The following AUTS2 variants were observed in gnomAD, a reference collection of about 807,000 sequenced individuals.
AUTS2 encodes autism susceptibility gene 2 protein.
In AUTS2, 17 loss-of-function variants were observed where a neutral mutation model predicts 112.4. The observed-to-expected ratio is 0.15, with a 90% CI of 0.10 to 0.23. AUTS2 has a LOEUF of 0.23. Ranked by LOEUF, AUTS2 falls within the 10% of genes least tolerant of loss-of-function variation. The pLI, the probability that AUTS2 is intolerant of heterozygous loss-of-function variation, is 1.00. For missense variants in AUTS2, 1,510 were observed against 1,701.6 expected (o/e 0.89, Z 1.98); for synonymous variants, 751 against 702.7 (o/e 1.07, Z -1.09).
intron 4 of AUTS2, among the ~76,000 whole-genome samples, chr7:70,301,795 G>A (rs1411148086): frequency 1.3e-5 from 2 of 152,048 alleles, no homozygotes; most frequent in African/African-American, 4.8e-5. Context: ...ACAAGTTCTC[G>A]CCCTGTCACC....
chr7:70,011,968 G>A (rs777582080), intron 2 of AUTS2, among the ~76,000 whole-genome samples: 9 of 152,086 alleles, frequency 5.9e-5, no homozygotes, highest in Non-Finnish European at 1.2e-4. Context: ...GAACCATTGA[G>A]TTTTTTCACT....
intron 1 of AUTS2, among the ~76,000 whole-genome samples, chr7:69,670,531 A>G (rs1796269937): frequency 7.7e-6 from 1 of 129,152 alleles, no homozygotes; most frequent in Non-Finnish European, 1.6e-5. Context: ...CATTAGTAAC[A>G]TGGTTGTTTT....
intron 4 of AUTS2, among the ~76,000 whole-genome samples, chr7:70,255,458 T>C (rs1786819222): frequency 6.6e-6 from 1 of 152,194 alleles, no homozygotes. Flanking sequence ...ATAAGTTATC[T>C]TTCTGTTTTC....
intron 2 of AUTS2, among the ~76,000 whole-genome samples, chr7:70,100,981 G>A (rs1315104900): frequency 1.1e-4 from 16 of 152,008 alleles, no homozygotes; most frequent in Admixed American, 1.0e-3. Flanking sequence ...GGGTTCAAGC[G>A]ATTCTCCTGC....
chr7:70,416,532 C>T (rs66467375), intron 4 of AUTS2, among the ~76,000 whole-genome samples: 14,809 of 152,302 alleles, frequency 0.097, 841 homozygotes, highest in Middle Eastern at 0.18. Flanking sequence ...CAGGCATTGC[C>T]TGCTTGAAAA....
At chr7:70,250,421 G>A (rs1786532379) in intron 4 of AUTS2, among the ~76,000 whole-genome samples, 1 of 152,148 alleles carries the variant, frequency 6.6e-6, no homozygotes, top group Non-Finnish European at 1.5e-5. Context: ...CCCAGAATCT[G>A]CAAGGTCTGC....
chr7:70,287,862 G>C (rs991399333), intron 4 of AUTS2, among the ~76,000 whole-genome samples: 1 of 151,752 alleles, frequency 6.6e-6, no homozygotes. Flanking sequence ...GTTATGAAAT[G>C]AGAATTTTGA....
At chr7:70,369,723 G>A (rs768029642) in intron 4 of AUTS2, among the ~76,000 whole-genome samples, 1 of 152,170 alleles carries the variant, frequency 6.6e-6, no homozygotes. Flanking sequence ...TGAGAGAATG[G>A]CATTGTGACA....
intron 6 of AUTS2, among the ~76,000 whole-genome samples, chr7:70,755,385 C>T (rs1436936442): frequency 6.6e-6 from 1 of 152,026 alleles, no homozygotes; most frequent in African/African-American, 2.4e-5. Context: ...ATTCAATAGT[C>T]CAGGCATGGT....
chr7:70,455,255 A>C (rs1796688850), intron 5 of AUTS2, among the ~76,000 whole-genome samples: 1 of 152,146 alleles, frequency 6.6e-6, no homozygotes, highest in South Asian at 2.1e-4. Context: ...GGTGGGTGGG[A>C]AGAAGCCCCT....
rs369851084 is a variant in AUTS2, at chr7:69,662,192, T to A, written c.309+62230T>A. 5.9e-5 allele frequency among the ~76,000 whole-genome samples: 9 copies of A among 151,814 alleles called. No individual in the cohort carries two copies. The East Asian group carries it at 1.2e-3, about 20-fold the overall frequency. On this transcript the variant is annotated intron_variant, in intron 1 of 18. Coordinates refer to ENST00000342771, the MANE Select transcript of AUTS2 (RefSeq NM_015570.4). ...GTATTCAGAGCTTTTTTTTTTTTTT[T>A]AATTAACAGTTGATTTGACTTTTTA...
At chr7:70,748,823 G>A (rs1295129332) in intron 6 of AUTS2, among the ~76,000 whole-genome samples, 1 of 152,160 alleles carries the variant, frequency 6.6e-6, no homozygotes, top group Non-Finnish European at 1.5e-5. Context: ...CTGTGAGGCA[G>A]CCTAGTCCAT....
At chr7:70,606,863 GAAA>G (rs35779844) in intron 5 of AUTS2, among the ~76,000 whole-genome samples, 2 of 89,460 alleles carry the variant, frequency 2.2e-5, no homozygotes, top group Admixed American at 1.2e-4. Flanking sequence ...TCTGTCTCAA[GAAA>G]AAAAAAAAAA....
intron 4 of AUTS2, among the ~76,000 whole-genome samples, chr7:70,186,660 C>T (rs1171687145): frequency 6.6e-6 from 1 of 152,116 alleles, no homozygotes; most frequent in African/African-American, 2.4e-5. Flanking sequence ...ACCTCCGCCT[C>T]CTGGGTTGAA....
At chr7:70,122,165 C>T (rs1455648190) in intron 3 of AUTS2, among the ~76,000 whole-genome samples, 1 of 152,096 alleles carries the variant, frequency 6.6e-6, no homozygotes, top group Non-Finnish European at 1.5e-5. Context: ...TAGAATAGAA[C>T]TTACCAGGAA....
chr7:69,884,142 A>T (rs1053725264), intron 1 of AUTS2, among the ~76,000 whole-genome samples: 26 of 152,206 alleles, frequency 1.7e-4, no homozygotes, highest in African/African-American at 6.0e-4. Context: ...TAAGGTAGAT[A>T]CCTGTGAGGA....
At chr7:69,843,193 T>A (rs1792055958) in intron 1 of AUTS2, among the ~76,000 whole-genome samples, 1 of 152,144 alleles carries the variant, frequency 6.6e-6, no homozygotes, top group African/African-American at 2.4e-5. Flanking sequence ...AGACTTCAGC[T>A]CTTCCAATGG....
chr7:69,625,834 G>A (rs966089640), intron 1 of AUTS2, among the ~76,000 whole-genome samples: 1 of 152,082 alleles, frequency 6.6e-6, no homozygotes, highest in Admixed American at 6.5e-5. Context: ...TCCAACCCGG[G>A]TGCCAGAGTG....
chr7:70,379,311 G>A (rs1355374213), intron 4 of AUTS2, among the ~76,000 whole-genome samples: 2 of 152,040 alleles, frequency 1.3e-5, no homozygotes, highest in Admixed American at 6.6e-5. Flanking sequence ...GACCGGCCTG[G>A]CCAACATGGT....
Sources: allele counts gnomAD v4.1 joint callset (sites outside exome capture counted in the v4.1 genomes callset), GRCh38; gene constraint gnomAD v4.1.1; transcripts MANE v1.5; gene names NCBI Gene and HGNC (gene_info 2026-07-23, HGNC 2026-07-21).